Variants in PRR5 observed in about 807,000 individuals in gnomAD.
PRR5 encodes proline-rich protein 5.
Under a neutral mutation model 30.6 loss-of-function variants are expected in PRR5, and 25 were observed. That is an observed-to-expected ratio of 0.82 (90% CI 0.60 to 1.14). The LOEUF is 1.14. PRR5 is among the 50% of genes most tolerant of loss of function. The pLI, the probability that PRR5 is intolerant of heterozygous loss-of-function variation, is 0.00. For synonymous variants in PRR5, 286 were observed against 247.1 expected, an observed-to-expected ratio of 1.16 and a Z score of -1.48; for missense variants, 600 against 547.1, an observed-to-expected ratio of 1.10 and a Z score of -0.96.
chr22:44,726,776 T>G, intron 4 of PRR5, 142 bp downstream of exon 4: 1 of 1,306,504 alleles, frequency 7.7e-7, no homozygotes. Context: ...ACGTATAGCC[T>G]TAGGGCAGCA....
rs1052740070 is a variant in PRR5, at chr22:44,691,998, G to A, written c.-10-10494G>A. ...AACGCGGGCCAAGTTTTGATGGGCT[G>A]TTTCCTGCCTCCCTACCCTGCTGGA... On this transcript the variant is annotated intron_variant, in intron 1 of 8. Transcript: ENST00000006251. The surrounding 1 kb of genome is among the most constrained non-coding windows in gnomAD (Gnocchi z 4.4). Among the ~76,000 whole-genome samples, 8 of 152,108 alleles carry A rather than the reference G, an allele frequency of 5.3e-5. No homozygotes were observed. The highest frequency in any genetic ancestry group is 8.8e-5 in the Non-Finnish European group (6 of 68,016).
chr22:44,737,161 G>GT lies in PRR5; in HGVS notation c.1081_1082insT (p.Glu361ValfsTer6), dbSNP rs1923438893. ...CCTGGAGTCCGTGGACTCGGATTCT[G>GT]AAGGGATTTTCATTGACTTTGGCCG... On this transcript the variant is annotated frameshift_variant, in exon 8 of 8. Coordinates refer to ENST00000336985, the MANE Select transcript of PRR5 (RefSeq NM_181333.4). LOFTEE classifies it low-confidence loss of function (END_TRUNC). 2.5e-6 allele frequency: 4 copies of GT among 1,612,766 alleles called. No individual in the cohort carries two copies. Among genetic ancestry groups the GT allele is most frequent in the Non-Finnish European group, 2.5e-6 (3 of 1,180,002 alleles).
intron 5 of PRR5, 118 bp downstream of exon 5, chr22:44,731,939 T>C (rs1922067199): frequency 6.4e-6 from 7 of 1,089,794 alleles, no homozygotes; most frequent in Non-Finnish European, 9.1e-6. Context: ...TGCTCTGTGC[T>C]GCTCTCCTTG....
chr22:44,679,578 A>T (rs1924074899), intron 1 of PRR5: 1 of 425,800 alleles, frequency 2.3e-6, no homozygotes, highest in South Asian at 3.2e-5. Flanking sequence ...ATTGTGGCGC[A>T]TGCCTGTAAT....
intron 4 of PRR5, among the ~76,000 whole-genome samples, chr22:44,727,926 C>A (rs73889712): frequency 1.3e-5 from 2 of 152,252 alleles, no homozygotes; most frequent in Non-Finnish European, 2.9e-5. Context: ...AACATCTAGA[C>A]TGGCAGGACA....
intron 1 of PRR5, among the ~76,000 whole-genome samples, chr22:44,689,579 A>G (rs1015536755): frequency 2.6e-5 from 4 of 152,216 alleles, no homozygotes; most frequent in African/African-American, 7.2e-5. Context: ...ATTGCGCACC[A>G]TGGAAGTCAC....
chr22:44,702,163 C>T (rs1371715809), upstream of PRR5: 1 of 588,806 alleles, frequency 1.7e-6, no homozygotes, highest in East Asian at 9.6e-5. Flanking sequence ...CCCCCCGGGG[C>T]GCCGAGACCC....
chr22:44,721,469 T>A (rs1397835665), intron 2 of PRR5, among the ~76,000 whole-genome samples: 2 of 152,196 alleles, frequency 1.3e-5, no homozygotes, highest in East Asian at 3.8e-4. Flanking sequence ...GTTACAAAGT[T>A]ATACTCCTAT....
chr22:44,707,319 G>T (rs1009282219), intron 1 of PRR5, among the ~76,000 whole-genome samples: 5 of 152,228 alleles, frequency 3.3e-5, no homozygotes, highest in African/African-American at 1.2e-4. Context: ...GGCGTGCCCT[G>T]CAGGCAGAGC....
intron 1 of PRR5, among the ~76,000 whole-genome samples, chr22:44,669,543 A>G (rs1923303017): frequency 6.6e-6 from 1 of 152,242 alleles, no homozygotes; most frequent in Non-Finnish European, 1.5e-5. Flanking sequence ...CTGCCTGGCC[A>G]CGGGTCTGCG....
intron 1 of PRR5, among the ~76,000 whole-genome samples, chr22:44,696,461 G>C (rs1042710151): frequency 2.2e-4 from 33 of 152,338 alleles, no homozygotes; most frequent in East Asian, 1.9e-3. Flanking sequence ...CTTGGAGAGA[G>C]AATCTTATGC....
chr22:44,727,985 G>A (rs375770942), intron 4 of PRR5, among the ~76,000 whole-genome samples: 52 of 152,366 alleles, frequency 3.4e-4, no homozygotes, highest in East Asian at 1.7e-3. Context: ...CACGCCCCTC[G>A]CTTGATGCGG....
In PRR5 at chr22:44,732,403, G is replaced by A; in HGVS notation, c.555+12G>A. 1 of 1,600,894 alleles carries A rather than the reference G, an allele frequency of 6.2e-7. No homozygotes were observed. The highest frequency in any genetic ancestry group is 8.5e-7 in the Non-Finnish European group (1 of 1,173,982). On this transcript the variant is annotated intron_variant, in intron 6 of 7. Transcript: ENST00000336985. ...TGCTGGTGCTGCAGGTGGGCACAGT[G>A]GGCAGAGGGTCGGGCATGGGGACCG...
chr22:44,714,203 T>G (rs1274768681), intron 1 of PRR5, among the ~76,000 whole-genome samples: 3 of 151,652 alleles, frequency 2.0e-5, no homozygotes, highest in African/African-American at 7.3e-5. Context: ...CGGGTGGCCG[T>G]GGAGGTAGAG....
intron 1 of PRR5, among the ~76,000 whole-genome samples, chr22:44,671,633 G>T (rs1252974316): frequency 6.6e-6 from 1 of 152,108 alleles, no homozygotes; most frequent in Non-Finnish European, 1.5e-5. Flanking sequence ...CTAAAGCTGG[G>T]AAAATTGCCT....
intron 4 of PRR5, chr22:44,731,393 C>G (rs1921937672): frequency 2.4e-6 from 1 of 412,100 alleles, no homozygotes; most frequent in African/African-American, 2.0e-5. Context: ...TTGTGTGGGT[C>G]TGGTATGTGA....
chr22:44,684,415 G>A (rs539146517), intron 1 of PRR5, among the ~76,000 whole-genome samples: 8 of 152,338 alleles, frequency 5.3e-5, no homozygotes, highest in African/African-American at 1.4e-4. Context: ...GCGTGGTGGC[G>A]GCAGCTGAGT....
rs763760495 is a variant in PRR5, at chr22:44,732,413, T to C, written c.555+22T>C. ...GCAGGTGGGCACAGTGGGCAGAGGGTCGGGCATGGGGACCGTGGGGCAGTA... is the reference window on the plus strand; with the variant it reads ...GCAGGTGGGCACAGTGGGCAGAGGGCCGGGCATGGGGACCGTGGGGCAGTA... On this transcript the variant is annotated intron_variant, in intron 6 of 7. Coordinates refer to ENST00000336985, the MANE Select transcript of PRR5 (RefSeq NM_181333.4). The C allele has an allele frequency of 5.0e-5, 80 of 1,594,706 alleles. No individual in the cohort carries two copies. The East Asian group carries it at 1.8e-3, about 35-fold the overall frequency.
intron 4 of PRR5, chr22:44,730,314 A>C: frequency 1.0e-6 from 1 of 985,338 alleles, no homozygotes; most frequent in Non-Finnish European, 1.2e-6. Flanking sequence ...CGCCCACACC[A>C]AGATCTCTCT....
Sources: gnomAD v4.1 joint callset for allele counts (sites outside exome capture counted in the v4.1 genomes callset) on GRCh38, gnomAD v4.1.1 for gene constraint, Gnocchi (gnomAD v3.1) non-coding constraint, MANE v1.5 for transcripts, NCBI Gene and HGNC (gene_info 2026-07-23, HGNC 2026-07-21) for gene names.